Variants in DLG2 observed in about 807,000 individuals in gnomAD.
DLG2 encodes disks large homolog 2.
Under a neutral mutation model 132.5 loss-of-function variants are expected in DLG2, and 45 were observed. The ratio of observed to expected loss-of-function variants is 0.34; its 90% CI spans 0.27 to 0.44. DLG2 has a LOEUF of 0.44. Among genes scored for constraint, DLG2 ranks in the 20% least tolerant of loss-of-function variants. DLG2 has a pLI of 1.00. For synonymous variants in DLG2, 424 were observed against 419.6 expected (o/e 1.01, Z -0.13); for missense variants, 1,045 against 1,196.9 (o/e 0.87, Z 1.87).
At chr11:83,658,403 A>G (rs1024611180) in intron 18 of DLG2, among the ~76,000 whole-genome samples, 14 of 152,250 alleles carry the variant, frequency 9.2e-5, no homozygotes, top group African/African-American at 2.7e-4. Flanking sequence ...TAATTATGTT[A>G]ATTATATCCA....
intron 26 of DLG2, among the ~76,000 whole-genome samples, chr11:83,463,014 T>C (rs2090328469): frequency 6.6e-6 from 1 of 152,174 alleles, no homozygotes; most frequent in Non-Finnish European, 1.5e-5. Context: ...GCATGTAGAA[T>C]TTCTGAAATC....
At chr11:85,597,369 ATTAAT>A (rs1466985783) in intron 3 of DLG2, among the ~76,000 whole-genome samples, 1 of 152,106 alleles carries the variant, frequency 6.6e-6, no homozygotes, top group African/African-American at 2.4e-5. Flanking sequence ...ATTAATAAAT[ATTAAT>A]TTTATCAAAA....
At chr11:84,891,912 T>C (rs2089459570) in intron 6 of DLG2, among the ~76,000 whole-genome samples, 1 of 152,202 alleles carries the variant, frequency 6.6e-6, no homozygotes, top group South Asian at 2.1e-4. Flanking sequence ...CCATTTATTA[T>C]AATACTTCTC....
intron 21 of DLG2, among the ~76,000 whole-genome samples, chr11:83,497,192 CA>C (rs1194261307): frequency 3.9e-5 from 6 of 152,068 alleles, no homozygotes; most frequent in Admixed American, 1.3e-4. Context: ...CAAAACAAAA[CA>C]AACACAACAA....
chr11:84,109,247 A>G (rs1465398868), intron 9 of DLG2, among the ~76,000 whole-genome samples: 1 of 152,194 alleles, frequency 6.6e-6, no homozygotes, highest in African/African-American at 2.4e-5. Flanking sequence ...CAGGAATATC[A>G]GGAAAAAGTT....
At chr11:83,818,055 G>A (rs910884609) in intron 17 of DLG2, among the ~76,000 whole-genome samples, 2 of 152,162 alleles carry the variant, frequency 1.3e-5, no homozygotes, top group Non-Finnish European at 2.9e-5. Flanking sequence ...AAGATCCTGA[G>A]TCTCCGTCTT....
At chr11:84,044,082 T>C (rs575799313) in intron 11 of DLG2, among the ~76,000 whole-genome samples, 95 of 151,854 alleles carry the variant, frequency 6.3e-4, no homozygotes, top group African/African-American at 2.1e-3. Context: ...ACAGGGTTAA[T>C]AGCATGAGCT....
At chr11:83,514,851 G>A (rs1251970476) in intron 21 of DLG2, among the ~76,000 whole-genome samples, 1 of 152,184 alleles carries the variant, frequency 6.6e-6, no homozygotes, top group Non-Finnish European at 1.5e-5. Context: ...TGCGTATGTT[G>A]AACCAACCTT....
intron 6 of DLG2, among the ~76,000 whole-genome samples, chr11:84,912,191 C>A (rs957850881): frequency 6.6e-6 from 1 of 152,142 alleles, no homozygotes; most frequent in Non-Finnish European, 1.5e-5. Flanking sequence ...ACTCTGTCGC[C>A]CAGGCTGGAG....
intron 18 of DLG2, among the ~76,000 whole-genome samples, chr11:83,772,963 T>C (rs1333875211): frequency 1.3e-5 from 2 of 152,222 alleles, no homozygotes; most frequent in Admixed American, 6.5e-5. Flanking sequence ...ATTTTGATTT[T>C]TGAACCCACA....
At chr11:85,323,725 G>T (rs373843850) in intron 3 of DLG2, among the ~76,000 whole-genome samples, 1 of 152,052 alleles carries the variant, frequency 6.6e-6, no homozygotes, top group African/African-American at 2.4e-5. Context: ...AACTTTTTTA[G>T]CTCCCACATA....
chr11:85,400,244 A>G (rs1565436406), intron 3 of DLG2, among the ~76,000 whole-genome samples: 1 of 151,528 alleles, frequency 6.6e-6, no homozygotes, highest in African/African-American at 2.4e-5. Context: ...ACCATCTCAC[A>G]CCAGTTAGAA....
At chr11:83,749,577 C>T (rs1008410861) in intron 18 of DLG2, among the ~76,000 whole-genome samples, 15 of 152,176 alleles carry the variant, frequency 9.9e-5, no homozygotes, top group Non-Finnish European at 1.5e-4. Flanking sequence ...AGAGCCCCCA[C>T]CCAGCAGCTG....
intron 7 of DLG2, among the ~76,000 whole-genome samples, chr11:84,257,533 G>C (rs1182856990): frequency 1.3e-5 from 2 of 152,064 alleles, no homozygotes; most frequent in Non-Finnish European, 2.9e-5. Context: ...TCTCAAAGTA[G>C]AGCTGAGGAA....
chr11:83,795,813 G>A (rs967764415), intron 17 of DLG2, among the ~76,000 whole-genome samples: 1 of 152,150 alleles, frequency 6.6e-6, no homozygotes, highest in Non-Finnish European at 1.5e-5. Flanking sequence ...AGGAAGTCTT[G>A]TGATCTTCTT....
At position 83,458,325 on chromosome 11, in the gene DLG2, T is replaced by A. The variant is rs1198850129; in HGVS notation, c.*1493A>T. ...GCTTTGGGAGGTTTCTTTTTTTAAA[T>A]CATCGTTATTATAATTGTTAAAAAA... On this transcript the variant is annotated 3_prime_UTR_variant, in exon 28 of 28. Transcript: ENST00000376104. 6.6e-6 allele frequency: 1 copy of A among 151,032 alleles called. No individual in the cohort carries two copies. The highest frequency in any genetic ancestry group is 2.0e-4 in the East Asian group (1 of 5,120). 9.4% of individuals were successfully genotyped at this position (151,032 alleles called of 1,614,324 possible). A position where few individuals can be genotyped will look rare whatever the true frequency, so the allele number is the denominator to read the frequency against.
At chr11:84,643,897 C>A (rs933607212) in intron 6 of DLG2, among the ~76,000 whole-genome samples, 1 of 152,128 alleles carries the variant, frequency 6.6e-6, no homozygotes, top group African/African-American at 2.4e-5. Flanking sequence ...ATCATTGTGC[C>A]AGGTAGTTTA....
At chr11:84,461,757 T>A (rs2099080820) in intron 7 of DLG2, among the ~76,000 whole-genome samples, 1 of 125,796 alleles carries the variant, frequency 7.9e-6, no homozygotes. Flanking sequence ...GTATACTGAA[T>A]TTTTTTTTTC....
chr11:84,809,498 A>T (rs1031314229), intron 6 of DLG2, among the ~76,000 whole-genome samples: 4 of 151,826 alleles, frequency 2.6e-5, no homozygotes, highest in South Asian at 2.1e-4. Context: ...ATATGACATG[A>T]TCATCTACAA....
Sources: gnomAD v4.1 joint callset for allele counts (sites outside exome capture counted in the v4.1 genomes callset) on GRCh38, gnomAD v4.1.1 for gene constraint, MANE v1.5 for transcripts, NCBI Gene and HGNC (gene_info 2026-07-23, HGNC 2026-07-21) for gene names.